MYT1: variants seen among roughly 807,000 people sequenced by gnomAD.
MYT1 encodes myelin transcription factor I.
MYT1 carries 23 observed loss-of-function variants against 123.0 expected under a neutral mutation model. The observed-to-expected ratio is 0.19, with a 90% CI of 0.13 to 0.26. The LOEUF (loss-of-function observed/expected upper bound fraction) is 0.26. Ranked by LOEUF, MYT1 falls within the 10% of genes least tolerant of loss-of-function variation. The probability of loss-of-function intolerance (pLI) is 1.00; values close to 1 mark genes in which losing one functional copy is unlikely to be tolerated. For missense variants in MYT1, 1,125 were observed against 1,472.5 expected (o/e 0.76, Z 3.86); for synonymous variants, 518 against 575.3 (o/e 0.90, Z 1.43).
chr20:64,205,208 C>A, intron 5 of MYT1, 111 bp downstream of exon 5: 1 of 1,300,830 alleles, frequency 7.7e-7, no homozygotes, highest in Non-Finnish European at 1.1e-6. Context: ...CAAGGCCAGG[C>A]TGCTGACCCT....
chr20:64,176,533 C>G lies in MYT1; in HGVS notation c.-99+11794C>G, dbSNP rs567177047. On this transcript the variant is annotated intron_variant, in intron 1 of 22. Coordinates refer to ENST00000328439, the MANE Select transcript of MYT1 (RefSeq NM_004535.3). ...TCCCTGGTAGCCTCTTGGGAGCCAC[C>G]TATTTCTGGAGGTCCCCACTCTGGG... is the stretch of plus-strand genomic sequence containing the variant. 1.1e-4 allele frequency among the ~76,000 whole-genome samples: 16 copies of G among 152,260 alleles called. No individual in the cohort carries two copies. The East Asian group carries it at 3.1e-3, about 29-fold the overall frequency.
intron 19 of MYT1, among the ~76,000 whole-genome samples, chr20:64,233,933 C>G (rs1034351286): frequency 8.5e-5 from 13 of 152,220 alleles, no homozygotes; most frequent in African/African-American, 3.1e-4. Context: ...ATCTGGCTGC[C>G]CGCTGGCAAG....
chr20:64,219,536 G>A (rs1437689798), intron 12 of MYT1, among the ~76,000 whole-genome samples, 177 bp from the exon 13 acceptor site: 4 of 152,206 alleles, frequency 2.6e-5, no homozygotes, highest in Admixed American at 6.5e-5. Context: ...CCCCCTTCAT[G>A]GGAAATCAGG....
chr20:64,211,683 G>A (rs1185244015), intron 8 of MYT1, among the ~76,000 whole-genome samples: 1 of 152,236 alleles, frequency 6.6e-6, no homozygotes, highest in East Asian at 1.9e-4. Flanking sequence ...TGCCCTGAAA[G>A]CTTAGGAAGC....
chr20:64,206,328 C>T (rs541002921), intron 6 of MYT1, among the ~76,000 whole-genome samples: 8 of 152,234 alleles, frequency 5.3e-5, no homozygotes, highest in South Asian at 4.1e-4. Flanking sequence ...ACGGGGTGCC[C>T]GGGGAGGCCA....
chr20:64,184,167 A>G (rs1982732715), intron 1 of MYT1, among the ~76,000 whole-genome samples: 1 of 152,084 alleles, frequency 6.6e-6, no homozygotes, highest in Non-Finnish European at 1.5e-5. Context: ...TTGAAGTCCA[A>G]TATATTACTT....
chr20:64,204,712 G>A (rs1350518419), intron 4 of MYT1, among the ~76,000 whole-genome samples: 3 of 152,182 alleles, frequency 2.0e-5, no homozygotes, highest in African/African-American at 7.2e-5. Context: ...CGTGTTCAGG[G>A]CACCTCAGAG....
At chr20:64,226,369 C>T (rs984898480) in intron 16 of MYT1, among the ~76,000 whole-genome samples, 4 of 152,280 alleles carry the variant, frequency 2.6e-5, no homozygotes, top group African/African-American at 9.6e-5. Context: ...GAGGAGATGT[C>T]CTGTCCCAGT....
At chr20:64,214,339 CT>C (rs1405904918) in intron 10 of MYT1, among the ~76,000 whole-genome samples, 38 of 151,798 alleles carry the variant, frequency 2.5e-4, no homozygotes, top group African/African-American at 8.5e-4. Context: ...GTTCACACGC[CT>C]GTTTGTGTTC....
At chr20:64,229,749 T>C (rs1984268915) in intron 18 of MYT1, among the ~76,000 whole-genome samples, 2 of 152,342 alleles carry the variant, frequency 1.3e-5, no homozygotes, top group South Asian at 4.1e-4. Context: ...GGAGTCCTTT[T>C]TATGATATCT....
At chr20:64,205,434 G>A in intron 5 of MYT1, 119 bp from the exon 6 acceptor site, 1 of 1,452,576 alleles carries the variant, frequency 6.9e-7, no homozygotes, top group Non-Finnish European at 9.3e-7. Flanking sequence ...TCCCTGCAAG[G>A]ACTGGATGAG....
At chr20:64,216,447 G>A (rs564271495) in intron 10 of MYT1, among the ~76,000 whole-genome samples, 91 of 152,298 alleles carry the variant, frequency 6.0e-4, no homozygotes, top group Non-Finnish European at 1.0e-3. Flanking sequence ...TAGCTTTTTC[G>A]TGGCTGTTGC....
chr20:64,196,028 A>G lies in MYT1; in HGVS notation c.1-2834A>G, dbSNP rs1276438852. On this transcript the variant is annotated intron_variant, in intron 2 of 22. Coordinates refer to ENST00000328439, the MANE Select transcript of MYT1 (RefSeq NM_004535.3). This position sits in a 1 kb window ranked among gnomAD's most constrained non-coding sequence, Gnocchi z 4.3. ...TGGAGAAACAGAGCAGACGTTCTTG[A>G]GAAAGGTTGCCGGCCCAGCAGTAAG... Among the ~76,000 whole-genome samples the G allele has an allele frequency of 1.3e-5, 2 of 152,196 alleles. No homozygotes were observed. Among genetic ancestry groups the G allele is most frequent in the African/African-American group, 4.8e-5 (2 of 41,436 alleles).
intron 2 of MYT1, among the ~76,000 whole-genome samples, chr20:64,194,791 T>A (rs1358481146): frequency 6.6e-6 from 1 of 152,236 alleles, no homozygotes; most frequent in Non-Finnish European, 1.5e-5. Flanking sequence ...CCGTTGGGCT[T>A]CATGGAAAAT....
chr20:64,212,069 T>C lies in MYT1; in HGVS notation c.1448T>C (p.Val483Ala), dbSNP rs1341958279. 6.2e-6 allele frequency: 10 copies of C among 1,613,704 alleles called. No homozygotes were observed. Among genetic ancestry groups the C allele is most frequent in the Non-Finnish European group, 8.5e-6 (10 of 1,179,888 alleles). The change falls in exon 9 of 23, where the codon GTG becomes GCG. Residue 483 changes from valine (V) to alanine (A), a missense_variant. Physicochemically the swap from Val to Ala is moderately conservative, Grantham distance 64. Coordinates refer to ENST00000328439, the MANE Select transcript of MYT1 (RefSeq NM_004535.3). The surrounding 1 kb of genome is among the most constrained non-coding windows in gnomAD (Gnocchi z 6.8). The part of the protein sequence containing the change: ...PPEILAMHEN[V>A]LKCPTPGCTG... ...ACAGTCTTAGCCATGCATGAGAACGTGCTGAAGTGCCCCACTCCTGGCTGC... is the reference window on the plus strand; with the variant it reads ...ACAGTCTTAGCCATGCATGAGAACGCGCTGAAGTGCCCCACTCCTGGCTGC...
In MYT1 at chr20:64,219,848, C is replaced by T. The variant is rs754874693; in HGVS notation, c.2107C>T (p.Arg703Cys). ...PGVKSPDASQRHSSTSAPSSS... is the reference protein window; with the variant it reads ...PGVKSPDASQCHSSTSAPSSS... ...TGTGAAGTCTCCCGACGCCTCCCAG[C>T]GCCACAGCAGCACCAGCGCCCCCAG... The change falls in exon 13 of 23, where the codon CGC becomes TGC. Residue 703 changes from arginine (R) to cysteine (C), a missense_variant. Coordinates refer to ENST00000328439, the MANE Select transcript of MYT1 (RefSeq NM_004535.3). The T allele has an allele frequency of 8.1e-6, 13 of 1,608,796 alleles. No homozygotes were observed. Among genetic ancestry groups the T allele is most frequent in the Middle Eastern group, 3.3e-4 (2 of 6,060 alleles).
At chr20:64,170,882 TATAGAGAGAG>T (rs1304000708) in intron 1 of MYT1, among the ~76,000 whole-genome samples, 23 of 41,342 alleles carry the variant, frequency 5.6e-4, no homozygotes, top group African/African-American at 8.2e-4. Context: ...TATATATATA[TATAGAGAGAG>T]AGAGAGAGAG....
intron 12 of MYT1, among the ~76,000 whole-genome samples, chr20:64,219,376 C>T (rs935879713): frequency 4.6e-5 from 7 of 152,192 alleles, no homozygotes; most frequent in East Asian, 1.9e-4. Context: ...GACTCCAGGG[C>T]GGTGCACGTG....
chr20:64,199,868 T>C (rs769881690), intron 3 of MYT1, 24 bp from the exon 4 acceptor site: 1 of 1,613,258 alleles, frequency 6.2e-7, no homozygotes, highest in Non-Finnish European at 8.5e-7. Flanking sequence ...CCACATGTTT[T>C]CCCTGTTTCT....
Sources: gnomAD v4.1 joint callset for allele counts (sites outside exome capture counted in the v4.1 genomes callset) on GRCh38, gnomAD v4.1.1 for gene constraint, Gnocchi (gnomAD v3.1) non-coding constraint, MANE v1.5 for transcripts, NCBI Gene and HGNC (gene_info 2026-07-23, HGNC 2026-07-21) for gene names.